Variants in KRT6C observed in about 807,000 individuals in gnomAD.
KRT6C encodes the protein keratin 6C.
In KRT6C, 46 loss-of-function variants were observed where a neutral mutation model predicts 49.4. The observed-to-expected ratio is 0.93, with a 90% confidence interval of 0.74 to 1.19. KRT6C has a LOEUF of 1.19. KRT6C is among the 50% of genes most tolerant of loss of function. The probability of loss-of-function intolerance (pLI) is 0.00; values close to 1 mark genes in which losing one functional copy is unlikely to be tolerated. For synonymous variants in KRT6C, 236 were observed against 297.1 expected, an observed-to-expected ratio of 0.79 and a Z score of 2.12; for missense variants, 552 against 737.5, an observed-to-expected ratio of 0.75 and a Z score of 2.91.
chr12:52,469,156 G>A lies in KRT6C; in HGVS notation c.1601C>T (p.Ala534Val). The A allele has an allele frequency of 6.2e-7, 1 of 1,614,002 alleles. No homozygotes were observed. The highest frequency in any genetic ancestry group is 8.5e-7 in the Non-Finnish European group (1 of 1,179,886). ...GGGFSSSSGR[A>V]IGGGLSSVGG... The stretch of plus-strand genomic sequence containing the variant: ...AACAGAGCTGAGGCCACCCCCAATG[G>A]CTCTGCCACTGCTGGAACTGAAGCC... The change falls in exon 9 of 9, where the codon GCC (alanine) becomes GTC (valine). Residue 534 changes from alanine (A) to valine (V), a missense_variant. Around this residue, in one of 3 missense-constraint regions of KRT6C, gnomAD observed 425 missense variants for 439.4 expected, o/e 0.97. Coordinates refer to ENST00000252250, the MANE Select transcript of KRT6C (RefSeq NM_173086.5).
rs549556558 is a variant in KRT6C, at chr12:52,471,169, C to T, written c.1040G>A (p.Arg347Lys). Residue 347 changes from arginine (R) to lysine (K), a missense_variant, in exon 5 of 9, where the codon AGG (arginine) becomes AAG (lysine). Physicochemically the swap from Arg to Lys is conservative, Grantham distance 26. This residue lies in a region of KRT6C where 425 missense variants were observed against 439.4 expected (regional missense o/e 0.97). Transcript: ENST00000252250. ...VKAQYEEIAQRSRAEAESWYQ... is the reference protein window; with the variant it reads ...VKAQYEEIAQKSRAEAESWYQ... ...CCAGGACTCAGCCTCAGCCCGGCTCCTCTGAGCAATCTCCTCGTATTGGGC... is the reference window on the plus strand; with the variant it reads ...CCAGGACTCAGCCTCAGCCCGGCTCTTCTGAGCAATCTCCTCGTATTGGGC... 6.2e-7 allele frequency: 1 copy of T among 1,614,180 alleles called. No individual in the cohort carries two copies. The highest frequency in any genetic ancestry group is 2.2e-5 in the East Asian group (1 of 44,866).
rs1592176143 is a variant in KRT6C at position 52,469,304 on chromosome 12, T to C, written c.1460-7A>G. 1 of 1,613,554 alleles carries C rather than the reference T, an allele frequency of 6.2e-7. No homozygotes were observed. The highest frequency in any genetic ancestry group is 1.7e-5 in the Admixed American group (1 of 59,976). On this transcript the variant is annotated splice_polypyrimidine_tract_variant and splice_region_variant and intron_variant, in intron 8 of 8. Coordinates refer to ENST00000252250, the MANE Select transcript of KRT6C (RefSeq NM_173086.5). The stretch of plus-strand genomic sequence containing the variant: ...ATGGTGGACTGTACTACAGCTGTGG[T>C]GGGGAGGGGACAAGGACACAAGAAG...
rs376855829 is a variant in KRT6C, at chr12:52,472,155, C to A, written c.666G>T (p.Arg222Ser). 4 of 1,519,296 alleles carry A rather than the reference C, an allele frequency of 2.6e-6. No individual in the cohort carries two copies. In the South Asian group the frequency reaches 4.5e-5, roughly 17 times the overall value. The allele number at this position is 1,519,296 out of a possible 1,614,324, so 94.1% of individuals were successfully genotyped here. A position where few individuals can be genotyped will look rare whatever the true frequency, so the allele number is the denominator to read the frequency against. The change falls in exon 2 of 9, where the codon AGG becomes AGT. Residue 222 changes from arginine (R) to serine (S), a missense_variant. Physicochemically the swap from Arg to Ser is moderately radical, Grantham distance 110. This residue lies in a region of KRT6C where 425 missense variants were observed against 439.4 expected (regional missense o/e 0.97). Coordinates refer to ENST00000252250, the MANE Select transcript of KRT6C (RefSeq NM_173086.5). ...CCCCGACGATGCTGTCCAGCTGCCTCCTGAGGTTGTTGATGTACTGCTCGA... is the reference window on the plus strand; with the variant it reads ...CCCCGACGATGCTGTCCAGCTGCCTACTGAGGTTGTTGATGTACTGCTCGA... ...PLFEQYINNL[R>S]RQLDSIVGER... is the part of the protein sequence containing the mutation.
Position 52,470,927 on chromosome 12 carries a change from T to TG in KRT6C, c.1077+204dup, listed in dbSNP as rs576779603. 5.9e-5 allele frequency among the ~76,000 whole-genome samples: 9 copies of TG among 152,310 alleles called. No homozygotes were observed. The South Asian group carries it at 1.9e-3, about 32-fold the overall frequency. ...GCAGAGATGACTATGTCCTTGTCTA[T>TG]GGCAGCTTTCCTCCTGCATTGGGTT... On this transcript the variant is annotated intron_variant, in intron 5 of 8. Coordinates refer to ENST00000252250, the MANE Select transcript of KRT6C (RefSeq NM_173086.5).
Position 52,469,766 on chromosome 12 carries a change from C to A in KRT6C, c.1328G>T (p.Arg443Leu). The A allele has an allele frequency of 6.2e-7, 1 of 1,614,144 alleles. No homozygotes were observed. Residue 443 changes from arginine (R) to leucine (L), a missense_variant, in exon 7 of 9, where the codon CGG (arginine) becomes CTG (leucine). Physicochemically the swap from Arg to Leu is moderately radical, Grantham distance 102. Coordinates refer to ENST00000252250, the MANE Select transcript of KRT6C (RefSeq NM_173086.5). ...CAGCTCCTGGTACTCCTTCAGCAGC[C>A]GGGCCAGGTCCTGCTTGGCCTTCTG... ...ALQKAKQDLA[R>L]LLKEYQELMN...
At chr12:52,471,335 A>T in intron 4 of KRT6C, 39 bp from the exon 5 acceptor site, 8 of 1,614,204 alleles carry the variant, frequency 5.0e-6, no homozygotes, top group Non-Finnish European at 5.9e-6. Flanking sequence ...TTCACATCTG[A>T]CATTTACAGA....
chr12:52,470,326 C>A (rs1394551464), intron 6 of KRT6C, 179 bp downstream of exon 6: 7 of 1,125,950 alleles, frequency 6.2e-6, no homozygotes, highest in Admixed American at 4.0e-5. Context: ...GCCTCAGAGG[C>A]TCATCCTCTT....
rs755444288 is a variant in KRT6C at position 52,472,305 on chromosome 12, T to A, written c.541-25A>T. Reference sequence around the variant, plus strand: ...CCTGGAAGGGAAGCAAGATGGTCATTTTCCAGGCAAAGGAAGGAAGAAAAA... The same window carrying A: ...CCTGGAAGGGAAGCAAGATGGTCATATTCCAGGCAAAGGAAGGAAGAAAAA... On this transcript the variant is annotated intron_variant, in intron 1 of 8. Coordinates refer to ENST00000252250, the MANE Select transcript of KRT6C (RefSeq NM_173086.5). The A allele has an allele frequency of 5.7e-6, 8 of 1,404,818 alleles. 1 individual carries two copies. The highest frequency in any genetic ancestry group is 7.9e-6 in the Non-Finnish European group (8 of 1,017,042). 87.0% of individuals were successfully genotyped at this position (1,404,818 alleles called of 1,614,324 possible).
chr12:52,472,001 A>T, intron 2 of KRT6C, 65 bp downstream of exon 2: 3 of 1,371,388 alleles, frequency 2.2e-6, no homozygotes, highest in Non-Finnish European at 3.1e-6. Context: ...TAGGAATCCT[A>T]CACACATCTG....
At chr12:52,470,369 T>C in intron 6 of KRT6C, 136 bp downstream of exon 6, 1 of 1,496,866 alleles carries the variant, frequency 6.7e-7, no homozygotes, top group Non-Finnish European at 9.2e-7. Context: ...GAGTTCTCAC[T>C]GAGGGCAAGA....
At chr12:52,469,548 C>G in intron 7 of KRT6C, 103 bp from the exon 8 acceptor site, 1 of 1,612,678 alleles carries the variant, frequency 6.2e-7, no homozygotes, top group Non-Finnish European at 8.5e-7. Flanking sequence ...GGAAACTGCT[C>G]TTTTAGTTTT....
In KRT6C at chr12:52,473,763, G is replaced by A. The variant is rs1213494371; in HGVS notation, c.-26C>T. The A allele has an allele frequency of 6.2e-7, 1 of 1,614,146 alleles. No individual in the cohort carries two copies. The highest frequency in any genetic ancestry group is 1.1e-5 in the South Asian group (1 of 91,068). ...GGTTCCAGGAGATGAGAGGGCTGTG[G>A]CGAGCGTTGGAGGCTGGAGGCGAGA... is the stretch of plus-strand genomic sequence containing the variant. On this transcript the variant is annotated 5_prime_UTR_variant, in exon 1 of 9. Transcript: ENST00000252250.
intron 3 of KRT6C, 33 bp from the exon 4 acceptor site, chr12:52,471,549 G>T: frequency 6.2e-7 from 1 of 1,610,472 alleles, no homozygotes; most frequent in Non-Finnish European, 8.5e-7. Context: ...GGAGTTACCT[G>T]AGCTCACCTT....
At chr12:52,472,602 T>C (rs1333591193) in intron 1 of KRT6C, among the ~76,000 whole-genome samples, 7 of 135,348 alleles carry the variant, frequency 5.2e-5, no homozygotes, top group African/African-American at 1.7e-4. Flanking sequence ...TGATATATTG[T>C]ACACAGTTTT....
Position 52,469,658 on chromosome 12 carries a change from T to C in KRT6C, c.1424+12A>G, listed in dbSNP as rs919870214. On this transcript the variant is annotated intron_variant, in intron 7 of 8. Coordinates refer to ENST00000252250, the MANE Select transcript of KRT6C (RefSeq NM_173086.5). ...GACTCAGCTGTTGGAGGAAGTCGCG[T>C]CAGTTACCTACCTGCACTCCTCGCC... 6.2e-7 allele frequency: 1 copy of C among 1,614,014 alleles called. No homozygotes were observed. Among genetic ancestry groups the C allele is most frequent in the Non-Finnish European group, 8.5e-7 (1 of 1,180,014 alleles).
rs1937874550 is a variant in KRT6C at position 52,471,224 on chromosome 12, C to G, written c.985G>C (p.Asp329His). 1 of 1,614,052 alleles carries G rather than the reference C, an allele frequency of 6.2e-7. No individual in the cohort carries two copies. The highest frequency in any genetic ancestry group is 1.3e-5 in the African/African-American group (1 of 74,926). Reference protein sequence around the residue: ...VLSMDNNRNLDLDSIIAEVKA... With the variant: ...VLSMDNNRNLHLDSIIAEVKA... ...ACCTCAGCGATGATGCTGTCCAGGT[C>G]CAGGTTGCGGTTGTTGTCCATGGAT... is the stretch of plus-strand genomic sequence containing the variant. Residue 329 changes from aspartate to histidine, a missense_variant, in exon 5 of 9, where the codon GAC becomes CAC. Asp to His is a moderately conservative substitution (Grantham distance 81). Coordinates refer to ENST00000252250, the MANE Select transcript of KRT6C (RefSeq NM_173086.5).
intron 1 of KRT6C, among the ~76,000 whole-genome samples, chr12:52,472,879 C>T (rs1379532606): frequency 7.0e-6 from 1 of 142,594 alleles, no homozygotes; most frequent in Admixed American, 7.1e-5. Flanking sequence ...CCCATATACT[C>T]CTGGCATTTG....
In KRT6C at chr12:52,469,109, T is replaced by A; in HGVS notation, c.1648A>T (p.Lys550Ter). The change falls in exon 9 of 9, where the codon AAG becomes TAG. Residue 550 changes from lysine to a stop codon, truncating the protein, a stop_gained. Transcript: ENST00000252250. LOFTEE classifies it high-confidence loss of function. The part of the protein sequence containing the change: ...SSVGGGSSTI[K>*]YTTTSSSSRK... Reference sequence around the variant, plus strand: ...CTGGAGGAGGAGGTGGTGGTGTACTTGATGGTGGAACTGCCGCCTCCAACA... The same window carrying A: ...CTGGAGGAGGAGGTGGTGGTGTACTAGATGGTGGAACTGCCGCCTCCAACA... 1 of 1,613,966 alleles carries A rather than the reference T, an allele frequency of 6.2e-7. No individual in the cohort carries two copies. The highest frequency in any genetic ancestry group is 2.2e-5 in the East Asian group (1 of 44,872).
At chr12:52,469,962 C>G in intron 6 of KRT6C, 72 bp from the exon 7 acceptor site, 1 of 1,568,228 alleles carries the variant, frequency 6.4e-7, no homozygotes, top group East Asian at 2.3e-5. Flanking sequence ...GTTTAGTGAA[C>G]CAGGGTCCTG....
Sources: allele counts gnomAD v4.1 joint callset (sites outside exome capture counted in the v4.1 genomes callset), GRCh38; gene constraint gnomAD v4.1.1; regional missense constraint gnomAD v4.1.1; transcripts MANE v1.5; gene names NCBI Gene and HGNC (gene_info 2026-07-23, HGNC 2026-07-21).